The following JADE1 variants were observed in gnomAD, a reference collection of about 807,000 sequenced individuals.
The protein encoded by JADE1 is protein Jade-1.
Under a neutral mutation model 81.8 loss-of-function variants are expected in JADE1, and 14 were observed. The ratio of observed to expected loss-of-function variants is 0.17; its 90% CI spans 0.11 to 0.27. JADE1 has a LOEUF of 0.27. JADE1 is among the 10% of genes least tolerant of loss of function. The pLI is 1.00. For synonymous variants in JADE1, 353 were observed against 391.9 expected (o/e 0.90, Z 1.17); for missense variants, 690 against 1,047.9 (o/e 0.66, Z 4.71).
At chr4:128,848,316 T>G (rs1327920554) in intron 4 of JADE1, among the ~76,000 whole-genome samples, 1 of 152,066 alleles carries the variant, frequency 6.6e-6, no homozygotes, top group Admixed American at 6.6e-5. Context: ...GTAGCTGGGG[T>G]TACAGGCGTG....
At chr4:128,827,843 A>C (rs1022050507) in intron 1 of JADE1, 6 of 983,594 alleles carry the variant, frequency 6.1e-6, no homozygotes, top group Non-Finnish European at 7.2e-6. Flanking sequence ...GCAATTGGCT[A>C]TAAGGTGAGA....
intron 1 of JADE1, among the ~76,000 whole-genome samples, chr4:128,830,991 T>C (rs1454152545): frequency 6.6e-6 from 1 of 152,218 alleles, no homozygotes; most frequent in African/African-American, 2.4e-5. Flanking sequence ...CTATTTGTCC[T>C]GAAGGGAGCT....
chr4:128,844,922 A>G (rs1729738944), intron 3 of JADE1, among the ~76,000 whole-genome samples: 1 of 152,242 alleles, frequency 6.6e-6, no homozygotes, highest in South Asian at 2.1e-4. Context: ...GCCACCAGGA[A>G]AAACAAATAT....
At chr4:128,825,283 G>T (rs961948864) in intron 1 of JADE1, among the ~76,000 whole-genome samples, 1 of 152,160 alleles carries the variant, frequency 6.6e-6, no homozygotes, top group Non-Finnish European at 1.5e-5. Context: ...CAAGTGATAT[G>T]CCTGCCTCGG....
At chr4:128,864,405 C>T in intron 9 of JADE1, 2 of 974,980 alleles carry the variant, frequency 2.1e-6, no homozygotes, top group Non-Finnish European at 2.4e-6. Context: ...CTTGGCCTCC[C>T]AGAGTGTTGG....
chr4:128,817,776 C>T (rs1448737469), intron 1 of JADE1, among the ~76,000 whole-genome samples: 1 of 152,170 alleles, frequency 6.6e-6, no homozygotes, highest in East Asian at 1.9e-4. Flanking sequence ...GAAGCTCTCC[C>T]CCAGAAAACA....
At chr4:128,854,373 A>G (rs1384533431) in intron 6 of JADE1, among the ~76,000 whole-genome samples, 1 of 152,166 alleles carries the variant, frequency 6.6e-6, no homozygotes, top group African/African-American at 2.4e-5. Context: ...ATTAATTTAG[A>G]CCTGCTTTTC....
At chr4:128,813,895 A>G (rs1343616401) in intron 1 of JADE1, among the ~76,000 whole-genome samples, 1 of 152,076 alleles carries the variant, frequency 6.6e-6, no homozygotes, top group Non-Finnish European at 1.5e-5. Flanking sequence ...TTTGGTCCCT[A>G]TTTAGCAGAG....
rs2125912960 is a variant in JADE1, at chr4:128,875,180, C to G, written c.*2918C>G. Reference sequence around the variant, plus strand: ...TGTTGAACTATTTAGTAGAATTGTGCCTTTTTGTCTGTATGTGAATAAATG... The same window carrying G: ...TGTTGAACTATTTAGTAGAATTGTGGCTTTTTGTCTGTATGTGAATAAATG... On this transcript the variant is annotated 3_prime_UTR_variant, in exon 11 of 11. Coordinates refer to ENST00000226319, the MANE Select transcript of JADE1 (RefSeq NM_199320.4). 6.6e-6 allele frequency: 1 copy of G among 152,582 alleles called. No individual in the cohort carries two copies. Among genetic ancestry groups the G allele is most frequent in the East Asian group, 1.9e-4 (1 of 5,170 alleles). 9.5% of individuals were successfully genotyped at this position (152,582 alleles called of 1,614,324 possible). A position where few individuals can be genotyped will look rare whatever the true frequency, so the allele number is the denominator to read the frequency against.
chr4:128,841,804 A>G (rs1377158648), intron 2 of JADE1, among the ~76,000 whole-genome samples: 2 of 152,190 alleles, frequency 1.3e-5, no homozygotes, highest in African/African-American at 4.8e-5. Flanking sequence ...GGAGAAACCC[A>G]TGTTGATGGG....
At chr4:128,854,339 G>A (rs1730615887) in intron 6 of JADE1, among the ~76,000 whole-genome samples, 2 of 151,766 alleles carry the variant, frequency 1.3e-5, no homozygotes, top group African/African-American at 2.4e-5. Flanking sequence ...TTATCTTTAA[G>A]GCATACTTTA....
intron 2 of JADE1, among the ~76,000 whole-genome samples, chr4:128,839,452 T>C (rs1008172036): frequency 3.9e-5 from 6 of 152,234 alleles, no homozygotes; most frequent in African/African-American, 9.7e-5. Flanking sequence ...TGAGAAATAA[T>C]TGACATACAG....
At chr4:128,815,290 C>T (rs572015077) in intron 1 of JADE1, among the ~76,000 whole-genome samples, 87 of 152,074 alleles carry the variant, frequency 5.7e-4, no homozygotes, top group African/African-American at 2.0e-3. Flanking sequence ...TTTATTAAGA[C>T]GGGGTTTCAC....
At chr4:128,827,871 T>A in intron 1 of JADE1, 5 of 985,302 alleles carry the variant, frequency 5.1e-6, no homozygotes, top group Middle Eastern at 1.0e-3. Context: ...TGTATGAAGA[T>A]GCTACCCAGA....
rs565348181 is a variant in JADE1, at chr4:128,871,027, A to C, written c.1622-328A>C. 1.2e-4 allele frequency among the ~76,000 whole-genome samples: 19 copies of C among 152,350 alleles called. No individual in the cohort carries two copies. The highest frequency in any genetic ancestry group is 4.1e-4 in the African/African-American group (17 of 41,588). On this transcript the variant is annotated intron_variant, in intron 10 of 10. Transcript: ENST00000226319. This position sits in a 1 kb window ranked among gnomAD's most constrained non-coding sequence, Gnocchi z 4.1. ...CCAGGTAGAGGGAGCAGAGGCAGCCATCAGCCACCTGATGAGTTCTGCATG... is the reference window on the plus strand; with the variant it reads ...CCAGGTAGAGGGAGCAGAGGCAGCCCTCAGCCACCTGATGAGTTCTGCATG...
chr4:128,851,013 C>T lies in JADE1; in HGVS notation c.485-1044C>T, dbSNP rs529090042. 2.2e-4 allele frequency among the ~76,000 whole-genome samples: 34 copies of T among 152,286 alleles called. 1 individual carries two copies. The South Asian group carries it at 5.4e-3, about 24-fold the overall frequency. On this transcript the variant is annotated intron_variant, in intron 5 of 10. Transcript: ENST00000226319. ...GGGTGCAATCTCGGCTGACTGCAAC[C>T]TCTACCTCCTGAGTTCAAGCGATTC...
rs961897094 is a variant in JADE1, at chr4:128,862,698, C to T, written c.1503+473C>T. ...AACACACCTAGGTGCTGGTGATGGG[C>T]TTATGAAGGAAGCTAAGCACGGCTG... On this transcript the variant is annotated intron_variant, in intron 9 of 10. Coordinates refer to ENST00000226319, the MANE Select transcript of JADE1 (RefSeq NM_199320.4). 5.9e-6 allele frequency: 6 copies of T among 1,009,874 alleles called. No homozygotes were observed. The East Asian group carries it at 3.7e-4, about 62-fold the overall frequency. The allele number at this position is 1,009,874 out of a possible 1,614,324, so 62.6% of individuals were successfully genotyped here. A position where few individuals can be genotyped will look rare whatever the true frequency, so the allele number is the denominator to read the frequency against.
chr4:128,856,440 C>T (rs1730803946), intron 7 of JADE1, among the ~76,000 whole-genome samples: 1 of 152,170 alleles, frequency 6.6e-6, no homozygotes, highest in South Asian at 2.1e-4. Context: ...ACTTAAACAG[C>T]TGTGGCCTGG....
At chr4:128,815,246 A>C (rs1408313540) in intron 1 of JADE1, among the ~76,000 whole-genome samples, 1 of 146,154 alleles carries the variant, frequency 6.8e-6, no homozygotes, top group African/African-American at 2.6e-5. Context: ...GACTACAGGC[A>C]CCCGCCACCA....
Sources: gnomAD v4.1 joint callset for allele counts (sites outside exome capture counted in the v4.1 genomes callset) on GRCh38, gnomAD v4.1.1 for gene constraint, Gnocchi (gnomAD v3.1) non-coding constraint, MANE v1.5 for transcripts, NCBI Gene and HGNC (gene_info 2026-07-23, HGNC 2026-07-21) for gene names.